Variants in KLHL1 observed in about 807,000 individuals in gnomAD.
KLHL1 encodes the protein kelch like family member 1.
Under a neutral mutation model 77.7 loss-of-function variants are expected in KLHL1, and 47 were observed. The ratio of observed to expected loss-of-function variants is 0.60; its 90% CI spans 0.48 to 0.77. The LOEUF is 0.77. Among genes scored for constraint, KLHL1 ranks in the 30% least tolerant of loss-of-function variants. The probability of loss-of-function intolerance (pLI) is 0.00; values close to 1 mark genes in which losing one functional copy is unlikely to be tolerated. For synonymous variants in KLHL1, 360 were observed against 325.2 expected, an observed-to-expected ratio of 1.11 and a Z score of -1.15; for missense variants, 925 against 910.8, an observed-to-expected ratio of 1.02 and a Z score of -0.20.
At chr13:69,821,596 C>T (rs756942844) in intron 6 of KLHL1, among the ~76,000 whole-genome samples, 5 of 151,970 alleles carry the variant, frequency 3.3e-5, no homozygotes, top group African/African-American at 9.7e-5. Context: ...ATTACAGGGG[C>T]GTGCCACCAC....
At chr13:69,843,229 A>C (rs1007385395) in intron 5 of KLHL1, among the ~76,000 whole-genome samples, 1 of 151,720 alleles carries the variant, frequency 6.6e-6, no homozygotes, top group African/African-American at 2.4e-5. Flanking sequence ...CACGTAACAA[A>C]ATTTCTCATG....
Position 69,816,283 on chromosome 13 carries a change from G to T in KLHL1, c.1415-19321C>A, listed in dbSNP as rs1157339712. Among the ~76,000 whole-genome samples the T allele has an allele frequency of 7.6e-5, 11 of 144,598 alleles. No homozygotes were observed. In the Admixed American group the frequency reaches 7.7e-4, roughly 10 times the overall value. 94.9% of individuals were successfully genotyped at this position (144,598 alleles called of 152,430 possible). The stretch of plus-strand genomic sequence containing the variant: ...TTTTTTCTTTTTTTTTTTTTTTGGA[G>T]ACAGTCTCCCTCTGTCACCCAGGCT... On this transcript the variant is annotated intron_variant, in intron 6 of 10. Transcript: ENST00000377844.
chr13:69,806,891 A>G (rs1330718963), intron 6 of KLHL1, among the ~76,000 whole-genome samples: 1 of 152,066 alleles, frequency 6.6e-6, no homozygotes, highest in African/African-American at 2.4e-5. Context: ...CACCCACGCA[A>G]CCTCTGGTAG....
At chr13:70,093,551 G>A (rs557057447) in intron 1 of KLHL1, among the ~76,000 whole-genome samples, 2 of 152,188 alleles carry the variant, frequency 1.3e-5, no homozygotes, top group South Asian at 2.1e-4. Flanking sequence ...TTCTCTTGAT[G>A]TCTTGAAATA....
In KLHL1 at chr13:70,002,020, G is replaced by A. The variant is rs554966794; in HGVS notation, c.498-26218C>T. Among the ~76,000 whole-genome samples the A allele has an allele frequency of 9.9e-5, 15 of 151,596 alleles. No individual in the cohort carries two copies. The East Asian group carries it at 2.9e-3, about 29-fold the overall frequency. On this transcript the variant is annotated intron_variant, in intron 1 of 10. Transcript: ENST00000377844. ...GAGCTAATCTACATCCACCTTAACA[G>A]AGCCTATAATCAATCTTCAATGATA...
At chr13:69,887,329 G>A (rs1881256747) in intron 4 of KLHL1, among the ~76,000 whole-genome samples, 2 of 152,114 alleles carry the variant, frequency 1.3e-5, no homozygotes, top group African/African-American at 4.8e-5. Flanking sequence ...AGGCCACAGT[G>A]GCTGTTTCCT....
chr13:70,076,387 C>CTTTT (rs34821978), intron 1 of KLHL1, among the ~76,000 whole-genome samples: 8 of 139,868 alleles, frequency 5.7e-5, no homozygotes, highest in East Asian at 2.1e-4. Context: ...AAAGGATAAT[C>CTTTT]TTTTTTTTTT....
At chr13:70,000,700 C>A (rs1225355091) in intron 1 of KLHL1, among the ~76,000 whole-genome samples, 1 of 151,578 alleles carries the variant, frequency 6.6e-6, no homozygotes, top group Non-Finnish European at 1.5e-5. Context: ...AATTACTGAA[C>A]CTAGAAGTCA....
chr13:69,848,876 G>A (rs918153813), intron 5 of KLHL1, among the ~76,000 whole-genome samples: 9 of 151,464 alleles, frequency 5.9e-5, no homozygotes, highest in Middle Eastern at 3.2e-3. Flanking sequence ...AAAATTAACC[G>A]AAATGAAAGT....
intron 4 of KLHL1, among the ~76,000 whole-genome samples, chr13:69,920,221 C>T (rs550562001): frequency 1.1e-4 from 17 of 151,766 alleles, no homozygotes; most frequent in Non-Finnish European, 2.9e-5. Context: ...TCCTAGAATG[C>T]CAGTTCACTA....
intron 4 of KLHL1, among the ~76,000 whole-genome samples, chr13:69,930,980 A>G (rs1566414650): frequency 6.7e-6 from 1 of 150,080 alleles, no homozygotes. Flanking sequence ...ATTTACTTGT[A>G]AAACTACCTT....
intron 2 of KLHL1, among the ~76,000 whole-genome samples, chr13:69,965,189 T>A (rs74090665): frequency 0.019 from 2,870 of 152,322 alleles, 65 homozygotes; most frequent in African/African-American, 0.05. Flanking sequence ...GATACTGCAG[T>A]TTTTTAAAAA....
intron 4 of KLHL1, among the ~76,000 whole-genome samples, chr13:69,885,231 C>T (rs977660077): frequency 7.3e-6 from 1 of 136,784 alleles, no homozygotes; most frequent in Non-Finnish European, 1.5e-5. Context: ...TGAGCCACCG[C>T]GCCCGGCCCT....
intron 3 of KLHL1, among the ~76,000 whole-genome samples, chr13:69,952,076 G>A (rs1883728178): frequency 6.6e-6 from 1 of 151,310 alleles, no homozygotes; most frequent in Non-Finnish European, 1.5e-5. Flanking sequence ...GTAAGCAAGG[G>A]GGTTTGATTA....
intron 1 of KLHL1, among the ~76,000 whole-genome samples, chr13:69,990,079 GC>G (rs753625504): frequency 5.3e-5 from 8 of 152,012 alleles, no homozygotes; most frequent in Admixed American, 2.0e-4. Flanking sequence ...GCCAAACTAA[GC>G]TTCATAAGCA....
intron 1 of KLHL1, among the ~76,000 whole-genome samples, chr13:70,023,217 T>C (rs150603710): frequency 5.3e-5 from 8 of 152,078 alleles, no homozygotes; most frequent in African/African-American, 1.9e-4. Context: ...GTTATAAAAA[T>C]ACTATCCTCA....
In KLHL1 at chr13:69,865,498, GATTTA is replaced by G. The variant is rs968822039; in HGVS notation, c.1227+16780_1227+16784del. On this transcript the variant is annotated intron_variant, in intron 5 of 10. Coordinates refer to ENST00000377844, the MANE Select transcript of KLHL1 (RefSeq NM_020866.3). ...GCATTTCAAAGTCACTGAACATTAGGATTTAATTTGTGTTTTTAAAAAATTTACTG... is the reference window on the plus strand; with the variant it reads ...GCATTTCAAAGTCACTGAACATTAGGATTTGTGTTTTTAAAAAATTTACTG... Among the ~76,000 whole-genome samples, 8 of 152,212 alleles carry G rather than the reference GATTTA, an allele frequency of 5.3e-5. No homozygotes were observed. The South Asian group carries it at 1.5e-3, about 28-fold the overall frequency.
chr13:69,737,779 T>C (rs1173800049), intron 8 of KLHL1, among the ~76,000 whole-genome samples: 1 of 152,152 alleles, frequency 6.6e-6, no homozygotes, highest in Non-Finnish European at 1.5e-5. Context: ...AGCTGTAGTA[T>C]CACGCATCAG....
intron 4 of KLHL1, among the ~76,000 whole-genome samples, chr13:69,887,587 G>T (rs908216500): frequency 2.6e-5 from 4 of 152,156 alleles, no homozygotes; most frequent in Non-Finnish European, 5.9e-5. Context: ...CCACTCACAA[G>T]TTCTTCTTTC....
Sources: allele counts gnomAD v4.1 joint callset (sites outside exome capture counted in the v4.1 genomes callset), GRCh38; gene constraint gnomAD v4.1.1; transcripts MANE v1.5; gene names NCBI Gene and HGNC (gene_info 2026-07-23, HGNC 2026-07-21).